CDH15: variants seen among roughly 807,000 people sequenced by gnomAD.
CDH15 encodes the protein cadherin-15.
A neutral mutation model predicts 69.4 loss-of-function variants in CDH15; 73 were observed. That is an observed-to-expected ratio of 1.05 (90% CI 0.87 to 1.28). The LOEUF (loss-of-function observed/expected upper bound fraction) is 1.28, where lower values mean the gene tolerates loss of function less well. Ranked by LOEUF, CDH15 falls within the 50% of genes most tolerant of loss-of-function variation. The pLI is 0.00. For missense variants in CDH15, 1,343 were observed against 1,133.6 expected, an observed-to-expected ratio of 1.18 and a Z score of -2.65; for synonymous variants, 624 against 507.7, an observed-to-expected ratio of 1.23 and a Z score of -3.08.
chr16:89,186,200 G>T (rs1915482629), intron 5 of CDH15: 1 of 109,954 alleles, frequency 9.1e-6, no homozygotes, highest in Non-Finnish European at 1.9e-5. Context: ...CGCACAGTAG[G>T]TGCTCTGTGA....
chr16:89,178,780 G>A (rs1046447323), intron 1 of CDH15, among the ~76,000 whole-genome samples: 5 of 152,202 alleles, frequency 3.3e-5, no homozygotes, highest in East Asian at 1.9e-4. Context: ...CTCGCATCCC[G>A]GGGTTCAGTT....
At chr16:89,182,412 G>A (rs192524687) in intron 3 of CDH15, among the ~76,000 whole-genome samples, 45 of 149,840 alleles carry the variant, frequency 3.0e-4, no homozygotes, top group African/African-American at 9.8e-4. Context: ...AGGCCGAGGC[G>A]AGTGGATCAC....
At chr16:89,188,341 C>T in intron 7 of CDH15, 56 bp downstream of exon 7, 1 of 1,425,340 alleles carries the variant, frequency 7.0e-7, no homozygotes, top group East Asian at 2.3e-5. Flanking sequence ...CCGACACACA[C>T]AGATGCCCAC....
Position 89,190,391 on chromosome 16 carries a change from A to G in CDH15, c.1127A>G (p.Gln376Arg). 1 of 1,612,838 alleles carries G rather than the reference A, an allele frequency of 6.2e-7. No individual in the cohort carries two copies. The highest frequency in any genetic ancestry group is 8.5e-7 in the Non-Finnish European group (1 of 1,179,954). Residue 376 changes from glutamine to arginine, a missense_variant, in exon 8 of 14, where the codon CAG (glutamine) becomes CGG (arginine). Coordinates refer to ENST00000289746, the MANE Select transcript of CDH15 (RefSeq NM_004933.3). Reference sequence around the variant, plus strand: ...GACACCAACGAGCCCCCCGTGTTCCAGGAGAACCCACTTCGGACCAGCCTA... The same window carrying G: ...GACACCAACGAGCCCCCCGTGTTCCGGGAGAACCCACTTCGGACCAGCCTA... ...VQDTNEPPVF[Q>R]ENPLRTSLAE...
intron 7 of CDH15, 26 bp downstream of exon 7, chr16:89,188,311 G>T (rs757357690): frequency 4.4e-6 from 7 of 1,602,888 alleles, no homozygotes; most frequent in Non-Finnish European, 6.0e-6. Flanking sequence ...CTGGCACACA[G>T]ATGCCGGCAG....
In CDH15 at chr16:89,185,238, C is replaced by T. The variant is rs137923863; in HGVS notation, c.568C>T (p.Arg190Trp). ...DDPETDNAAL[R>W]FSILQQGSPE... Reference sequence around the variant, plus strand: ...CCCCGAGACGGACAACGCAGCGCTGCGGTTCTCCATCCTGCAGCAGGGCAG... The same window carrying T: ...CCCCGAGACGGACAACGCAGCGCTGTGGTTCTCCATCCTGCAGCAGGGCAG... The change falls in exon 5 of 14, where the codon CGG (arginine) becomes TGG (tryptophan). Residue 190 changes from arginine to tryptophan, a missense_variant. Physicochemically the swap from Arg to Trp is moderately radical, Grantham distance 101. Coordinates refer to ENST00000289746, the MANE Select transcript of CDH15 (RefSeq NM_004933.3). 3.6e-5 allele frequency: 58 copies of T among 1,605,514 alleles called. No homozygotes were observed. Among genetic ancestry groups the T allele is most frequent in the Middle Eastern group, 1.6e-4 (1 of 6,076 alleles).
At chr16:89,184,553 C>T (rs1473013642) in intron 4 of CDH15, among the ~76,000 whole-genome samples, 1 of 152,224 alleles carries the variant, frequency 6.6e-6, no homozygotes, top group Non-Finnish European at 1.5e-5. Flanking sequence ...TCACAGTGCG[C>T]GTCCTCTGCT....
At chr16:89,189,320 C>A (rs995741832) in intron 7 of CDH15, among the ~76,000 whole-genome samples, 1 of 142,632 alleles carries the variant, frequency 7.0e-6, no homozygotes, top group Non-Finnish European at 1.6e-5. Context: ...CCGGCACACA[C>A]ACATGCCGGC....
At chr16:89,183,057 C>G (rs1022027411) in intron 3 of CDH15, 3 of 157,640 alleles carry the variant, frequency 1.9e-5, no homozygotes, top group Admixed American at 1.8e-4. Context: ...TGACGTGCAC[C>G]TGTAATCCCA....
intron 8 of CDH15, 150 bp from the exon 9 acceptor site, chr16:89,191,180 C>CGT (rs891125562): frequency 1.2e-6 from 1 of 838,764 alleles, no homozygotes; most frequent in African/African-American, 1.7e-5. Flanking sequence ...GCTGTGTGTG[C>CGT]GTGTGTATAT....
chr16:89,181,928 ACT>A (rs1342476103), intron 3 of CDH15, among the ~76,000 whole-genome samples: 1 of 149,162 alleles, frequency 6.7e-6, no homozygotes, highest in Admixed American at 6.7e-5. Flanking sequence ...ACAGAGTGAG[ACT>A]CTGTCTCAAA....
chr16:89,173,245 T>C (rs1337400713), intron 1 of CDH15, among the ~76,000 whole-genome samples: 17 of 152,178 alleles, frequency 1.1e-4, no homozygotes, highest in Admixed American at 1.1e-3. Context: ...CTTCCCCACC[T>C]GCTCTGGGGA....
At position 89,195,034 on chromosome 16, in the gene CDH15, G is replaced by A. The variant is rs201368808; in HGVS notation, c.2324G>A (p.Arg775Gln). The A allele has an allele frequency of 4.3e-4, 695 of 1,612,462 alleles. 4 individuals are homozygous for A. The South Asian group carries it at 5.4e-3, about 13-fold the overall frequency. Residue 775 changes from arginine to glutamine, a missense_variant, in exon 14 of 14, where the codon CGG becomes CAG. Coordinates refer to ENST00000289746, the MANE Select transcript of CDH15 (RefSeq NM_004933.3). The stretch of plus-strand genomic sequence containing the variant: ...AGAGACTGGGGGCCCCGCTTCGCCC[G>A]GCTGGCAGACATGTATGGGCACCCG... The part of the protein sequence containing the change: ...YLRDWGPRFA[R>Q]LADMYGHPCG...
chr16:89,185,172 G>C lies in CDH15; in HGVS notation c.503-1G>C, dbSNP rs1026161646. On this transcript the variant is annotated splice_acceptor_variant, in intron 4 of 13. Transcript: ENST00000289746. LOFTEE classifies it high-confidence loss of function. ...CCCTCACGCCTCCCTGTGCTTCCCA[G>C]GCACCTATGTGACCAGGGCAGAGGC... The C allele has an allele frequency of 6.3e-7, 1 of 1,595,582 alleles. No individual in the cohort carries two copies. Among genetic ancestry groups the C allele is most frequent in the African/African-American group, 1.3e-5 (1 of 74,758 alleles).
In CDH15 at chr16:89,188,977, G is replaced by A. The variant is rs187032105; in HGVS notation, c.978+692G>A. 2.0e-4 allele frequency among the ~76,000 whole-genome samples: 27 copies of A among 131,934 alleles called. No homozygotes were observed. The East Asian group carries it at 4.4e-3, about 21-fold the overall frequency. 86.6% of individuals were successfully genotyped at this position (131,934 alleles called of 152,430 possible). ...CACACCGATGCTGGCACACATAGAT[G>A]CCCACACACAGACACCCACACACAG... On this transcript the variant is annotated intron_variant, in intron 7 of 13. Transcript: ENST00000289746.
chr16:89,183,312 C>T, intron 3 of CDH15: 1 of 543,300 alleles, frequency 1.8e-6, no homozygotes, highest in Non-Finnish European at 3.3e-6. Flanking sequence ...TTCCTGGCTG[C>T]CAAGGCAAGC....
intron 1 of CDH15, among the ~76,000 whole-genome samples, chr16:89,174,657 A>G (rs1228087040): frequency 6.6e-6 from 1 of 152,102 alleles, no homozygotes. Context: ...AGACGTCTCA[A>G]GGGCTTCGAG....
intron 1 of CDH15, among the ~76,000 whole-genome samples, chr16:89,173,381 G>T (rs577398315): frequency 6.6e-6 from 1 of 152,162 alleles, no homozygotes; most frequent in East Asian, 1.9e-4. Context: ...GCCCCAGGGG[G>T]CTCTGTGGCA....
rs565211351 is a variant in CDH15 at position 89,172,511 on chromosome 16, G to A, written c.42+638G>A. Reference sequence around the variant, plus strand: ...CCTGGGCTTCACCTGGGACCCTGCCGCAGCTGCCTGGGGTGATCAGGCCTG... The same window carrying A: ...CCTGGGCTTCACCTGGGACCCTGCCACAGCTGCCTGGGGTGATCAGGCCTG... On this transcript the variant is annotated intron_variant, in intron 1 of 13. Transcript: ENST00000289746. 2.9e-4 allele frequency among the ~76,000 whole-genome samples: 44 copies of A among 152,252 alleles called. No individual in the cohort carries two copies. In the East Asian group the frequency reaches 6.6e-3, roughly 23 times the overall value.
Sources: allele counts gnomAD v4.1 joint callset (sites outside exome capture counted in the v4.1 genomes callset), GRCh38; gene constraint gnomAD v4.1.1; transcripts MANE v1.5; gene names NCBI Gene and HGNC (gene_info 2026-07-23, HGNC 2026-07-21).